Variants in DGKI observed in about 807,000 individuals in gnomAD.
DGKI encodes DAG kinase iota.
A neutral mutation model predicts 147.5 loss-of-function variants in DGKI; 55 were observed. The ratio of observed to expected loss-of-function variants is 0.37; its 90% CI spans 0.30 to 0.47. DGKI has a LOEUF of 0.47. Among genes scored for constraint, DGKI ranks in the 20% least tolerant of loss-of-function variants. The pLI is 1.00. For synonymous variants in DGKI, 469 were observed against 477.1 expected, an observed-to-expected ratio of 0.98 and a Z score of 0.22; for missense variants, 1,007 against 1,323.8, an observed-to-expected ratio of 0.76 and a Z score of 3.71.
At chr7:137,569,372 C>T (rs558608644) in intron 19 of DGKI, among the ~76,000 whole-genome samples, 2 of 151,922 alleles carry the variant, frequency 1.3e-5, no homozygotes, top group African/African-American at 4.8e-5. Context: ...AATAAGTAAC[C>T]CACGTATGGA....
chr7:137,807,536 A>C (rs1238617034), intron 1 of DGKI, among the ~76,000 whole-genome samples: 1 of 152,156 alleles, frequency 6.6e-6, no homozygotes, highest in Non-Finnish European at 1.5e-5. Context: ...AAGTCACTGC[A>C]CATCCCTGGG....
intron 1 of DGKI, among the ~76,000 whole-genome samples, chr7:137,839,348 C>A (rs894816332): frequency 1.1e-4 from 16 of 152,344 alleles, no homozygotes; most frequent in African/African-American, 3.6e-4. Context: ...ATGTCTATCT[C>A]ATTTTCATAT....
chr7:137,454,444 TGA>T (rs1426332383), intron 27 of DGKI, among the ~76,000 whole-genome samples: 3 of 152,056 alleles, frequency 2.0e-5, no homozygotes, highest in African/African-American at 7.2e-5. Flanking sequence ...GTTTGAAATG[TGA>T]GAGATTGAGG....
intron 6 of DGKI, among the ~76,000 whole-genome samples, chr7:137,635,913 C>T (rs1040830630): frequency 8.5e-5 from 13 of 152,132 alleles, no homozygotes; most frequent in Admixed American, 3.9e-4. Context: ...AATCCCATGA[C>T]GGTGAATTTC....
At chr7:137,429,233 C>T (rs1812957512) in intron 28 of DGKI, among the ~76,000 whole-genome samples, 1 of 151,138 alleles carries the variant, frequency 6.6e-6, no homozygotes, top group African/African-American at 2.4e-5. Flanking sequence ...GAACAGGGCC[C>T]TCAGAAATAA....
At chr7:137,689,843 G>T in intron 2 of DGKI, 51 bp downstream of exon 2, 3 of 1,250,752 alleles carry the variant, frequency 2.4e-6, no homozygotes, top group Non-Finnish European at 3.3e-6. Context: ...GAGAATGAGA[G>T]ACACAAAACA....
intron 5 of DGKI, among the ~76,000 whole-genome samples, chr7:137,647,521 T>C (rs1821870287): frequency 6.6e-6 from 1 of 152,234 alleles, no homozygotes; most frequent in Non-Finnish European, 1.5e-5. Flanking sequence ...CAGCTGGTGG[T>C]GGTTGTATGT....
chr7:137,485,369 G>C lies in DGKI; in HGVS notation c.2373+5C>G. 1 of 1,604,178 alleles carries C rather than the reference G, an allele frequency of 6.2e-7. No homozygotes were observed. Among genetic ancestry groups the C allele is most frequent in the East Asian group, 2.2e-5 (1 of 44,654 alleles). On this transcript the variant is annotated splice_donor_5th_base_variant and intron_variant, in intron 23 of 32. Transcript: ENST00000614521. ...AAGAAACAAGGAGAGTCAATTATTTGTTACCTGGTAATGAACTCTCTGGGA... is the reference window on the plus strand; with the variant it reads ...AAGAAACAAGGAGAGTCAATTATTTCTTACCTGGTAATGAACTCTCTGGGA...
chr7:137,830,845 G>T (rs1055231041), intron 1 of DGKI, among the ~76,000 whole-genome samples: 3 of 152,206 alleles, frequency 2.0e-5, no homozygotes, highest in Admixed American at 1.3e-4. Context: ...AATGGGAAAA[G>T]ATAGGGGCTT....
chr7:137,717,197 A>C (rs978286353), intron 1 of DGKI, among the ~76,000 whole-genome samples: 4 of 152,214 alleles, frequency 2.6e-5, no homozygotes, highest in African/African-American at 4.8e-5. Flanking sequence ...GGAAAATGTC[A>C]AAAGAGTGGC....
intron 20 of DGKI, among the ~76,000 whole-genome samples, chr7:137,523,671 T>C (rs1817044465): frequency 6.6e-6 from 1 of 152,136 alleles, no homozygotes; most frequent in African/African-American, 2.4e-5. Context: ...TTGTGTTTGT[T>C]GGGTATTTAC....
chr7:137,506,519 G>A (rs1344582326), intron 21 of DGKI, among the ~76,000 whole-genome samples: 1 of 152,122 alleles, frequency 6.6e-6, no homozygotes, highest in Admixed American at 6.5e-5. Context: ...ATACAATAAT[G>A]ACTGCATGTC....
At chr7:137,582,414 TTCTCTC>T (rs147596311) in intron 14 of DGKI, among the ~76,000 whole-genome samples, 2 of 149,016 alleles carry the variant, frequency 1.3e-5, no homozygotes, top group African/African-American at 2.5e-5. Context: ...ATCACCCATT[TTCTCTC>T]TCTCTCTCTC....
intron 27 of DGKI, 99 bp downstream of exon 27, chr7:137,463,390 T>C: frequency 7.3e-6 from 11 of 1,512,972 alleles, no homozygotes; most frequent in Non-Finnish European, 9.8e-6. Flanking sequence ...CTGAGCGCCA[T>C]TGAAAAGAGA....
intron 28 of DGKI, among the ~76,000 whole-genome samples, chr7:137,424,736 A>G (rs1812717977): frequency 6.6e-6 from 1 of 152,138 alleles, no homozygotes; most frequent in East Asian, 1.9e-4. Flanking sequence ...AGGAGATTAT[A>G]TCTCGCACCT....
chr7:137,758,734 G>A (rs1385767474), intron 1 of DGKI, among the ~76,000 whole-genome samples: 1 of 151,754 alleles, frequency 6.6e-6, no homozygotes, highest in East Asian at 1.9e-4. Flanking sequence ...ATCTCAGTCT[G>A]ACGTATCAGA....
intron 1 of DGKI, chr7:137,722,591 A>G (rs377596145): frequency 3.4e-5 from 53 of 1,576,816 alleles, no homozygotes; most frequent in African/African-American, 1.3e-4. Flanking sequence ...ACCAAAATCG[A>G]TATCAGCAAT....
intron 28 of DGKI, among the ~76,000 whole-genome samples, chr7:137,421,372 A>G (rs1181723119): frequency 6.6e-6 from 1 of 152,240 alleles, no homozygotes; most frequent in Non-Finnish European, 1.5e-5. Flanking sequence ...TAATCCCCCA[A>G]TTCAATTAAT....
intron 8 of DGKI, among the ~76,000 whole-genome samples, chr7:137,609,883 C>T (rs1820309422): frequency 6.6e-6 from 1 of 152,098 alleles, no homozygotes; most frequent in African/African-American, 2.4e-5. Flanking sequence ...TTATACCTGC[C>T]AACCCTCCCA....
Sources: allele counts gnomAD v4.1 joint callset (sites outside exome capture counted in the v4.1 genomes callset), GRCh38; gene constraint gnomAD v4.1.1; transcripts MANE v1.5; gene names NCBI Gene and HGNC (gene_info 2026-07-23, HGNC 2026-07-21).